EXT1: variants seen among roughly 807,000 people sequenced by gnomAD.
The protein encoded by EXT1 is exostosin-1.
A neutral mutation model predicts 82.5 loss-of-function variants in EXT1; 20 were observed. The observed-to-expected ratio is 0.24, with a 90% CI of 0.17 to 0.35. The LOEUF is 0.35. EXT1 is among the 10% of genes least tolerant of loss of function. The pLI, the probability that EXT1 is intolerant of heterozygous loss-of-function variation, is 1.00. For synonymous variants in EXT1, 348 were observed against 350.8 expected, an observed-to-expected ratio of 0.99 and a Z score of 0.09; for missense variants, 757 against 936.5, an observed-to-expected ratio of 0.81 and a Z score of 2.50.
chr8:118,109,537 G>A lies in EXT1; in HGVS notation c.962+548C>T, dbSNP rs989242022. Among the ~76,000 whole-genome samples, 6 of 152,058 alleles carry A rather than the reference G, an allele frequency of 3.9e-5. No individual in the cohort carries two copies. In the East Asian group the frequency reaches 5.8e-4, roughly 15 times the overall value. ...AATGCCACGGGGGAGAGAGGAAAGG[G>A]CCACACAAAGTTCGATACAATTTAA... On this transcript the variant is annotated intron_variant, in intron 1 of 10. Coordinates refer to ENST00000378204, the MANE Select transcript of EXT1 (RefSeq NM_000127.3).
At chr8:117,978,322 C>T (rs994813499) in intron 1 of EXT1, among the ~76,000 whole-genome samples, 1 of 152,186 alleles carries the variant, frequency 6.6e-6, no homozygotes, top group African/African-American at 2.4e-5. Context: ...TCATATTTTA[C>T]ACAAATATTT....
At chr8:118,072,940 C>T (rs1420326383) in intron 1 of EXT1, among the ~76,000 whole-genome samples, 2 of 152,144 alleles carry the variant, frequency 1.3e-5, no homozygotes. Flanking sequence ...TTCTGACTTG[C>T]CAATATAGCC....
At chr8:117,943,601 G>C (rs986672508) in intron 1 of EXT1, among the ~76,000 whole-genome samples, 1 of 152,200 alleles carries the variant, frequency 6.6e-6, no homozygotes, top group Admixed American at 6.5e-5. Context: ...GTGTTTGCAC[G>C]TACATGCCTG....
chr8:118,054,015 T>C (rs1320678184), intron 1 of EXT1, among the ~76,000 whole-genome samples: 1 of 152,196 alleles, frequency 6.6e-6, no homozygotes, highest in East Asian at 1.9e-4. Context: ...TGAAGAATGC[T>C]ACCTACTGGC....
At chr8:118,053,152 A>G (rs999175001) in intron 1 of EXT1, among the ~76,000 whole-genome samples, 1 of 152,184 alleles carries the variant, frequency 6.6e-6, no homozygotes, top group Non-Finnish European at 1.5e-5. Flanking sequence ...AAAGCAGCAG[A>G]ATGCTTGGGT....
intron 4 of EXT1, among the ~76,000 whole-genome samples, chr8:117,827,223 T>C (rs974572127): frequency 1.3e-5 from 2 of 152,190 alleles, no homozygotes; most frequent in African/African-American, 4.8e-5. Flanking sequence ...CTCATTAAAA[T>C]CACTTCAGGG....
At chr8:117,939,866 G>A (rs900454537) in intron 1 of EXT1, among the ~76,000 whole-genome samples, 23 of 152,076 alleles carry the variant, frequency 1.5e-4, no homozygotes, top group Non-Finnish European at 2.9e-4. Context: ...CCCTCACCCA[G>A]CACACAATAA....
chr8:117,843,748 G>A (rs1241863447), intron 1 of EXT1, among the ~76,000 whole-genome samples: 1 of 152,130 alleles, frequency 6.6e-6, no homozygotes, highest in Non-Finnish European at 1.5e-5. Context: ...CAATTTCATA[G>A]AGAAGCAATT....
chr8:118,044,987 A>G (rs1451703002), intron 1 of EXT1, among the ~76,000 whole-genome samples: 1 of 152,216 alleles, frequency 6.6e-6, no homozygotes, highest in Non-Finnish European at 1.5e-5. Context: ...AAGTTTGCCA[A>G]CCTCTAGTCG....
At chr8:117,880,932 T>C (rs577246503) in intron 1 of EXT1, among the ~76,000 whole-genome samples, 18 of 152,304 alleles carry the variant, frequency 1.2e-4, no homozygotes, top group Non-Finnish European at 1.3e-4. Flanking sequence ...GTTGGGTTTA[T>C]CGACCTATTA....
intron 1 of EXT1, among the ~76,000 whole-genome samples, chr8:117,997,147 A>G (rs1815553452): frequency 6.6e-6 from 1 of 151,962 alleles, no homozygotes; most frequent in South Asian, 2.1e-4. Flanking sequence ...TAACTAGGGA[A>G]GAGGGAGAGT....
intron 1 of EXT1, among the ~76,000 whole-genome samples, chr8:118,006,582 A>G (rs1815780531): frequency 6.6e-6 from 1 of 152,230 alleles, no homozygotes; most frequent in South Asian, 2.1e-4. Flanking sequence ...GGTTCAGTGG[A>G]AAGAATATTA....
At chr8:118,050,811 A>T (rs17505648) in intron 1 of EXT1, among the ~76,000 whole-genome samples, 288 of 152,352 alleles carry the variant, frequency 1.9e-3, no homozygotes, top group Middle Eastern at 6.8e-3. Flanking sequence ...ACCATCCATA[A>T]ATAATATCTT....
chr8:117,956,189 A>C (rs1814582405), intron 1 of EXT1, among the ~76,000 whole-genome samples: 3 of 151,892 alleles, frequency 2.0e-5, no homozygotes, highest in Admixed American at 2.0e-4. Flanking sequence ...AAAAAAAAAA[A>C]ACAAGTCGGG....
At chr8:117,807,412 C>T (rs1326399328) in intron 8 of EXT1, 35 bp from the exon 9 acceptor site, 1 of 1,613,386 alleles carries the variant, frequency 6.2e-7, no homozygotes, top group African/African-American at 1.3e-5. Flanking sequence ...AAGCAATCAA[C>T]AGTGTTAACA....
intron 1 of EXT1, among the ~76,000 whole-genome samples, chr8:117,840,569 G>A (rs1812257747): frequency 1.3e-5 from 2 of 150,858 alleles, no homozygotes; most frequent in South Asian, 4.2e-4. Context: ...CCAAGATAGT[G>A]CCATTGTACT....
At chr8:118,086,760 G>A (rs948611568) in intron 1 of EXT1, among the ~76,000 whole-genome samples, 1 of 152,088 alleles carries the variant, frequency 6.6e-6, no homozygotes, top group Non-Finnish European at 1.5e-5. Context: ...TCTAAAATTA[G>A]AAACCACTAC....
intron 1 of EXT1, among the ~76,000 whole-genome samples, chr8:117,926,728 A>G (rs1813959490): frequency 6.6e-6 from 1 of 152,252 alleles, no homozygotes; most frequent in Non-Finnish European, 1.5e-5. Context: ...CAACTCTGTC[A>G]GCATCAAAGA....
chr8:117,804,868 A>C lies in EXT1; in HGVS notation c.1909T>G (p.Tyr637Asp), dbSNP rs760190441. Reference sequence around the variant, plus strand: ...ATGTTCTTCAGGCTGGCTGGCAGGTAATGGGAGTATAGGTAGTGATAATAT... The same window carrying C: ...ATGTTCTTCAGGCTGGCTGGCAGGTCATGGGAGTATAGGTAGTGATAATAT... ...HKYYHYLYSHYLPASLKNMVD... is the reference protein window; with the variant it reads ...HKYYHYLYSHDLPASLKNMVD... Residue 637 changes from tyrosine (Y) to aspartate (D), a missense_variant, in exon 10 of 11, where the codon TAC becomes GAC. Transcript: ENST00000378204. 6.2e-7 allele frequency: 1 copy of C among 1,614,092 alleles called. No homozygotes were observed. The highest frequency in any genetic ancestry group is 8.5e-7 in the Non-Finnish European group (1 of 1,179,950).
Sources: allele counts gnomAD v4.1 joint callset (sites outside exome capture counted in the v4.1 genomes callset), GRCh38; gene constraint gnomAD v4.1.1; transcripts MANE v1.5; gene names NCBI Gene and HGNC (gene_info 2026-07-23, HGNC 2026-07-21).